OAT: variants seen among roughly 807,000 people sequenced by gnomAD.
OAT encodes the protein ornithine aminotransferase.
A neutral mutation model predicts 48.4 loss-of-function variants in OAT; 35 were observed. The ratio of observed to expected loss-of-function variants is 0.72; its 90% CI spans 0.55 to 0.96. OAT has a LOEUF of 0.96. Ranked by LOEUF, OAT falls within the 40% of genes least tolerant of loss-of-function variation. OAT has a pLI of 0.00. For synonymous variants in OAT, 182 were observed against 198.4 expected (o/e 0.92, Z 0.70); for missense variants, 438 against 537.9 (o/e 0.81, Z 1.84).
intron 2 of OAT, 40 bp from the exon 3 acceptor site, chr10:124,409,005 C>T (rs781305367): frequency 2.6e-6 from 4 of 1,525,054 alleles, no homozygotes; most frequent in South Asian, 2.3e-5. Flanking sequence ...TAGACAATTA[C>T]TATACGGCAT....
At chr10:124,412,308 T>G in intron 1 of OAT, 108 bp from the exon 2 acceptor site, 1 of 830,754 alleles carries the variant, frequency 1.2e-6, no homozygotes, top group Middle Eastern at 3.5e-4. Flanking sequence ...CCCAGGAGTT[T>G]GAGACCAGCC....
intron 9 of OAT, among the ~76,000 whole-genome samples, chr10:124,398,379 GCACCTGTAGTCC>G (rs889343713): frequency 5.9e-4 from 89 of 151,968 alleles, no homozygotes; most frequent in Admixed American, 5.8e-3. Context: ...ATCATGGTGC[GCACCTGTAGTCC>G]CAGCTACTCG....
chr10:124,415,246 G>C (rs576204298), intron 1 of OAT, among the ~76,000 whole-genome samples: 31 of 152,052 alleles, frequency 2.0e-4, no homozygotes, highest in Non-Finnish European at 3.7e-4. Flanking sequence ...AGAATAACTG[G>C]GGACAAAATA....
At position 124,399,503 on chromosome 10, in the gene OAT, G is replaced by A. The variant is rs575161373; in HGVS notation, c.1159+1337C>T. On this transcript the variant is annotated intron_variant, in intron 9 of 9. Coordinates refer to ENST00000368845, the MANE Select transcript of OAT (RefSeq NM_000274.4). ...TGGGACTACAGGCACCCACCACCTC[G>A]CCTGGCTATTTTTTTGTATTTTTAG... Among the ~76,000 whole-genome samples, 177 of 151,914 alleles carry A rather than the reference G, an allele frequency of 1.2e-3. 1 individual carries two copies. The highest frequency in any genetic ancestry group is 4.2e-3 in the South Asian group (20 of 4,796).
chr10:124,408,756 G>C lies in OAT; in HGVS notation c.409C>G (p.Leu137Val). Residue 137 changes from leucine (L) to valine (V), a missense_variant, in exon 3 of 10, where the codon CTT becomes GTT. Leu to Val is a conservative substitution (Grantham distance 32). Transcript: ENST00000368845. ...ITKLFNYHKV[L>V]PMNTGVEAGE... ...AATGTTTTACCTGTATTCATAGGAA[G>C]AACTTTGTGGTAGTTGAAAAGTTTA... 1 of 1,606,692 alleles carries C rather than the reference G, an allele frequency of 6.2e-7. No individual in the cohort carries two copies. Among genetic ancestry groups the C allele is most frequent in the Non-Finnish European group, 8.5e-7 (1 of 1,174,248 alleles).
intron 9 of OAT, among the ~76,000 whole-genome samples, chr10:124,399,927 C>T (rs1951353040): frequency 1.3e-5 from 2 of 152,136 alleles, no homozygotes; most frequent in Non-Finnish European, 1.5e-5. Flanking sequence ...AGTCCAGACT[C>T]ACCAACAAAA....
chr10:124,412,084 T>C lies in OAT; in HGVS notation c.88A>G (p.Thr30Ala). Reference protein sequence around the residue: ...SSVASATSVATKKTVQGPPTS... With the variant: ...SSVASATSVAAKKTVQGPPTS... Reference sequence around the variant, plus strand: ...GGAGGGCCTTGGACTGTTTTTTTAGTTGCAACAGATGTAGCAGAAGCCACT... The same window carrying C: ...GGAGGGCCTTGGACTGTTTTTTTAGCTGCAACAGATGTAGCAGAAGCCACT... The change falls in exon 2 of 10, where the codon ACT becomes GCT. Residue 30 changes from threonine (T) to alanine (A), a missense_variant. Coordinates refer to ENST00000368845, the MANE Select transcript of OAT (RefSeq NM_000274.4). 2 of 1,614,188 alleles carry C rather than the reference T, an allele frequency of 1.2e-6. No homozygotes were observed. Among genetic ancestry groups the C allele is most frequent in the Non-Finnish European group, 1.7e-6 (2 of 1,180,026 alleles).
intron 1 of OAT, among the ~76,000 whole-genome samples, chr10:124,418,516 G>C (rs530034742): frequency 1.3e-5 from 2 of 152,324 alleles, no homozygotes; most frequent in Non-Finnish European, 2.9e-5. Context: ...CGGCGGCTCC[G>C]CCCGGTCTGG....
intron 4 of OAT, chr10:124,406,000 A>G (rs1951566831): frequency 8.4e-6 from 9 of 1,070,354 alleles, no homozygotes; most frequent in Non-Finnish European, 1.0e-5. Flanking sequence ...CCAATACTGC[A>G]GGCTAACAAC....
chr10:124,409,335 C>A (rs563630771), intron 2 of OAT, among the ~76,000 whole-genome samples: 2 of 152,312 alleles, frequency 1.3e-5, no homozygotes, highest in South Asian at 4.2e-4. Flanking sequence ...GAGACCAAGG[C>A]AGGGATTGCT....
At chr10:124,399,335 ATTCTTTTTTT>A (rs1323336184) in intron 9 of OAT, among the ~76,000 whole-genome samples, 3 of 100,374 alleles carry the variant, frequency 3.0e-5, no homozygotes, top group African/African-American at 1.1e-4. Context: ...TCCCCAGGTG[ATTCTTTTTTT>A]TTTTTTTTTT....
chr10:124,410,139 G>A (rs1439696003), intron 2 of OAT, among the ~76,000 whole-genome samples: 2 of 152,110 alleles, frequency 1.3e-5, no homozygotes, highest in African/African-American at 4.8e-5. Context: ...GTTTTATTTG[G>A]TTAAGGCTGT....
At position 124,418,886 on chromosome 10, in the gene OAT, A is replaced by T. The variant is rs1293152789; in HGVS notation, c.-43T>A. 1 of 152,084 alleles carries T rather than the reference A, an allele frequency of 6.6e-6. No homozygotes were observed. Among genetic ancestry groups the T allele is most frequent in the Non-Finnish European group, 1.5e-5 (1 of 68,050 alleles). The allele number at this position is 152,084 out of a possible 1,614,324, so 9.4% of individuals were successfully genotyped here. On this transcript the variant is annotated 5_prime_UTR_variant, in exon 1 of 10. Transcript: ENST00000368845. ...CCCAGACGGTACCTGACAGCGCCTG[A>T]GGACAACCGGGTACACGCGGCGTCT...
chr10:124,408,777 G>C lies in OAT; in HGVS notation c.388C>G (p.Leu130Val). 6.2e-7 allele frequency: 1 copy of C among 1,612,090 alleles called. No homozygotes were observed. Among genetic ancestry groups the C allele is most frequent in the Non-Finnish European group, 8.5e-7 (1 of 1,179,406 alleles). The part of the protein sequence containing the change: ...LGEYEEYITK[L>V]FNYHKVLPMN... ...GGAAGAACTTTGTGGTAGTTGAAAA[G>C]TTTAGTAATATACTCCTCATATTCA... Residue 130 changes from leucine (L) to valine (V), a missense_variant, in exon 3 of 10, where the codon CTT (leucine) becomes GTT (valine). Leu to Val is a conservative substitution (Grantham distance 32). Coordinates refer to ENST00000368845, the MANE Select transcript of OAT (RefSeq NM_000274.4).
intron 2 of OAT, 92 bp from the exon 3 acceptor site, chr10:124,409,057 C>T (rs1951681865): frequency 2.4e-6 from 2 of 823,502 alleles, no homozygotes; most frequent in Non-Finnish European, 2.0e-6. Context: ...CTCTGAATGC[C>T]TATATATGAA....
intron 4 of OAT, chr10:124,406,054 A>G: frequency 7.8e-6 from 8 of 1,031,486 alleles, no homozygotes; most frequent in Non-Finnish European, 9.3e-6. Context: ...TCCTCAAGCA[A>G]TCCAAACACG....
chr10:124,399,338 C>CTTTTTT (rs937720307), intron 9 of OAT, among the ~76,000 whole-genome samples: 26 of 58,774 alleles, frequency 4.4e-4, no homozygotes, highest in Admixed American at 6.7e-4. Context: ...CCAGGTGATT[C>CTTTTTT]TTTTTTTTTT....
At chr10:124,411,159 A>G in intron 2 of OAT, among the ~76,000 whole-genome samples, 1 of 145,746 alleles carries the variant, frequency 6.9e-6, no homozygotes, top group Non-Finnish European at 1.5e-5. Context: ...AAAAAAAAAA[A>G]AAAAAGAAGA....
chr10:124,405,454 A>T lies in OAT; in HGVS notation c.630T>A (p.Asn210Lys), dbSNP rs770977459. The stretch of plus-strand genomic sequence containing the variant: ...GAAATACCTCCAGTGCGGGCAGATC[A>T]TTATAGGGAATGATGTCGAATCCCG... ...FMPGFDIIPY[N>K]DLPALERALQ... Residue 210 changes from asparagine (N) to lysine (K), a missense_variant, in exon 5 of 10, where the codon AAT becomes AAA. Asn to Lys is a moderately conservative substitution (Grantham distance 94, BLOSUM62 0). Coordinates refer to ENST00000368845, the MANE Select transcript of OAT (RefSeq NM_000274.4). The T allele has an allele frequency of 6.8e-6, 11 of 1,614,122 alleles. No individual in the cohort carries two copies. The South Asian group carries it at 1.2e-4, about 18-fold the overall frequency.
Sources: gnomAD v4.1 joint callset for allele counts (sites outside exome capture counted in the v4.1 genomes callset) on GRCh38, gnomAD v4.1.1 for gene constraint, MANE v1.5 for transcripts, NCBI Gene and HGNC (gene_info 2026-07-23, HGNC 2026-07-21) for gene names.